Variants in ESRRG observed in about 807,000 individuals in gnomAD.
ESRRG encodes estrogen related receptor gamma.
In ESRRG, 13 loss-of-function variants were observed where a neutral mutation model predicts 44.0. The observed-to-expected ratio is 0.30, with a 90% confidence interval of 0.19 to 0.47. ESRRG has a LOEUF of 0.47. ESRRG is among the 20% of genes least tolerant of loss of function. ESRRG has a pLI of 1.00. For missense variants in ESRRG, 395 were observed against 580.6 expected (o/e 0.68, Z 3.29); for synonymous variants, 215 against 214.6 (o/e 1.00, Z -0.02).
chr1:217,014,854 A>G (rs535227577), intron 1 of ESRRG, among the ~76,000 whole-genome samples: 5 of 152,170 alleles, frequency 3.3e-5, no homozygotes, highest in Non-Finnish European at 7.4e-5. Flanking sequence ...ATTTGAGTAG[A>G]TGATTAAATA....
intron 2 of ESRRG, among the ~76,000 whole-genome samples, chr1:216,734,197 T>C (rs1395544808): frequency 2.6e-5 from 4 of 152,168 alleles, no homozygotes; most frequent in East Asian, 1.9e-4. Context: ...TCCTCTGCAC[T>C]GTGCCTAGCA....
At chr1:216,800,425 A>G (rs1287934896) in intron 2 of ESRRG, among the ~76,000 whole-genome samples, 1 of 152,162 alleles carries the variant, frequency 6.6e-6, no homozygotes, top group African/African-American at 2.4e-5. Context: ...AGCAAGTACA[A>G]ATATTTCAAC....
At chr1:216,716,010 A>G (rs2084796474) in intron 1 of ESRRG, among the ~76,000 whole-genome samples, 1 of 152,032 alleles carries the variant, frequency 6.6e-6, no homozygotes, top group Non-Finnish European at 1.5e-5. Flanking sequence ...TTGTTTTTGC[A>G]TATTGAATAT....
intron 2 of ESRRG, among the ~76,000 whole-genome samples, chr1:216,659,857 T>C (rs752494376): frequency 3.3e-5 from 5 of 152,148 alleles, no homozygotes; most frequent in Non-Finnish European, 7.4e-5. Context: ...TGTATATTCT[T>C]TGAGGGCAGC....
chr1:216,861,960 C>T (rs2096061532), intron 2 of ESRRG, among the ~76,000 whole-genome samples: 4 of 152,062 alleles, frequency 2.6e-5, no homozygotes, highest in Admixed American at 2.6e-4. Context: ...CATCATTAGT[C>T]ATTAGGGAAA....
chr1:216,698,890 C>T (rs1224155761), intron 1 of ESRRG, among the ~76,000 whole-genome samples: 1 of 152,184 alleles, frequency 6.6e-6, no homozygotes, highest in Non-Finnish European at 1.5e-5. Context: ...TCATCCTAGC[C>T]TACGCCCACA....
At chr1:216,904,098 T>C (rs1295240773) in intron 2 of ESRRG, among the ~76,000 whole-genome samples, 1 of 152,038 alleles carries the variant, frequency 6.6e-6, no homozygotes, top group East Asian at 1.9e-4. Flanking sequence ...AAAGATTATT[T>C]CAAAAATGCC....
At chr1:217,135,037 G>C (rs1303307230) in intron 1 of ESRRG, among the ~76,000 whole-genome samples, 1 of 152,180 alleles carries the variant, frequency 6.6e-6, no homozygotes, top group Non-Finnish European at 1.5e-5. Flanking sequence ...CGCCCAGGGC[G>C]GTTCTGAGAT....
intron 1 of ESRRG, among the ~76,000 whole-genome samples, chr1:216,720,518 G>A (rs1426797369): frequency 1.3e-5 from 2 of 152,000 alleles, no homozygotes; most frequent in Non-Finnish European, 2.9e-5. Context: ...ACTTGGCCAA[G>A]CTCTTATCAT....
At chr1:217,041,028 C>T (rs2151126953) in intron 1 of ESRRG, among the ~76,000 whole-genome samples, 1 of 152,326 alleles carries the variant, frequency 6.6e-6, no homozygotes, top group East Asian at 1.9e-4. Flanking sequence ...TGGGAACCCT[C>T]AACAGCTCAG....
At chr1:216,749,045 C>T (rs896030841) in intron 2 of ESRRG, among the ~76,000 whole-genome samples, 8 of 152,118 alleles carry the variant, frequency 5.3e-5, no homozygotes, top group African/African-American at 1.9e-4. Context: ...GCTCTTTATT[C>T]CAGTCCATTC....
rs749806895 is a variant in ESRRG, at chr1:216,893,232, GC to G, written c.-14+46349del. Among the ~76,000 whole-genome samples, 13 of 152,178 alleles carry G rather than the reference GC, an allele frequency of 8.5e-5. No individual in the cohort carries two copies. The South Asian group carries it at 2.7e-3, about 32-fold the overall frequency. On this transcript the variant is annotated intron_variant, in intron 2 of 7. Transcript: ENST00000359162. ...ACAGCATGTATTGAGCAAACATTCT[GC>G]CAGGCAATATCACAGACAATGGAAA...
chr1:217,053,465 AAAAGAAAGAAAGAAAGAAAG>A (rs3072270), intron 1 of ESRRG, among the ~76,000 whole-genome samples: 7 of 145,514 alleles, frequency 4.8e-5, no homozygotes, highest in African/African-American at 1.5e-4. Flanking sequence ...AAAGCCAAAA[AAAAGAAAGAAAGAAAGAAAG>A]AAAGAAAGAA....
intron 2 of ESRRG, among the ~76,000 whole-genome samples, chr1:216,927,923 A>T (rs915258992): frequency 5.3e-5 from 8 of 152,250 alleles, no homozygotes; most frequent in Non-Finnish European, 5.9e-5. Context: ...AAGGGAAAAG[A>T]GTTTAATCCA....
chr1:216,625,212 T>C (rs569556628), intron 3 of ESRRG, among the ~76,000 whole-genome samples: 6 of 152,180 alleles, frequency 3.9e-5, no homozygotes, highest in Admixed American at 6.5e-5. Flanking sequence ...ATAATAACAA[T>C]AATAATAGCT....
chr1:217,123,140 G>T (rs2092843832), intron 1 of ESRRG, among the ~76,000 whole-genome samples: 1 of 152,130 alleles, frequency 6.6e-6, no homozygotes, highest in African/African-American at 2.4e-5. Context: ...CTAACCAATG[G>T]AAATGGTGCA....
chr1:216,935,334 A>C (rs2063958186), intron 2 of ESRRG, among the ~76,000 whole-genome samples: 1 of 152,094 alleles, frequency 6.6e-6, no homozygotes, highest in Non-Finnish European at 1.5e-5. Context: ...TTTAGCTATA[A>C]ATTCGAGGTT....
chr1:216,789,117 C>T (rs186788991), intron 2 of ESRRG, among the ~76,000 whole-genome samples: 1 of 152,246 alleles, frequency 6.6e-6, no homozygotes, highest in East Asian at 1.9e-4. Flanking sequence ...AAAGCAGCAG[C>T]AGGGTTGGAG....
rs1305163407 is a variant in ESRRG at position 216,506,700 on chromosome 1, TAAAG to T, written c.*235_*238del. The T allele has an allele frequency of 5.0e-6, 3 of 594,952 alleles. No homozygotes were observed. The highest frequency in any genetic ancestry group is 6.0e-6 in the Non-Finnish European group (2 of 330,658). The allele number at this position is 594,952 out of a possible 1,614,324, so 36.9% of individuals were successfully genotyped here. On this transcript the variant is annotated 3_prime_UTR_variant, in exon 7 of 7. Coordinates refer to ENST00000408911, the MANE Select transcript of ESRRG (RefSeq NM_001438.4). The stretch of plus-strand genomic sequence containing the variant: ...GGTGAAAGAAGAAAAGGAGAAAAAA[TAAAG>T]AGAAAGAGAAATGTGGGAAGAAAGA...
Sources: gnomAD v4.1 joint callset for allele counts (sites outside exome capture counted in the v4.1 genomes callset) on GRCh38, gnomAD v4.1.1 for gene constraint, MANE v1.5 for transcripts, NCBI Gene and HGNC (gene_info 2026-07-23, HGNC 2026-07-21) for gene names.